Variants in MARCHF1 observed in about 807,000 individuals in gnomAD.
The protein encoded by MARCHF1 is E3 ubiquitin-protein ligase MARCHF1.
A neutral mutation model predicts 54.2 loss-of-function variants in MARCHF1; 40 were observed. The ratio of observed to expected loss-of-function variants is 0.74; its 90% confidence interval spans 0.57 to 0.96. The LOEUF (loss-of-function observed/expected upper bound fraction) is 0.96. MARCHF1 is among the 40% of genes least tolerant of loss of function. The probability of loss-of-function intolerance (pLI) is 0.00; values close to 1 mark genes in which losing one functional copy is unlikely to be tolerated. For synonymous variants in MARCHF1, 236 were observed against 236.3 expected (o/e 1.00, Z 0.01); for missense variants, 586 against 656.5 (o/e 0.89, Z 1.17).
At chr4:164,332,913 T>C (rs1729600039) in intron 1 of MARCHF1, among the ~76,000 whole-genome samples, 2 of 152,086 alleles carry the variant, frequency 1.3e-5, no homozygotes, top group African/African-American at 4.8e-5. Context: ...TGAAAGTATA[T>C]AGTAAAGTAT....
intron 4 of MARCHF1, among the ~76,000 whole-genome samples, chr4:163,758,263 G>C (rs1408209871): frequency 6.6e-6 from 1 of 152,128 alleles, no homozygotes; most frequent in Non-Finnish European, 1.5e-5. Context: ...ATTCCAAAAA[G>C]TTACATTCAG....
intron 1 of MARCHF1, among the ~76,000 whole-genome samples, chr4:164,277,041 G>A (rs1049404176): frequency 2.6e-5 from 4 of 151,604 alleles, no homozygotes; most frequent in Non-Finnish European, 1.5e-5. Flanking sequence ...GGTGTTGAGA[G>A]TCAGGAGAAC....
chr4:163,642,593 A>T (rs1742593503), intron 5 of MARCHF1, among the ~76,000 whole-genome samples: 1 of 152,146 alleles, frequency 6.6e-6, no homozygotes. Flanking sequence ...TAAAGTTCTT[A>T]CCATAATGAC....
At chr4:164,231,475 T>C (rs902814434) in intron 1 of MARCHF1, among the ~76,000 whole-genome samples, 3 of 152,180 alleles carry the variant, frequency 2.0e-5, no homozygotes, top group African/African-American at 7.2e-5. Flanking sequence ...ACAAATCTAG[T>C]GTGTAAATTG....
rs145321357 is a variant in MARCHF1, at chr4:163,977,407, G to C, written c.-39+11094C>G. ...CTCCCTTGTTGACATCAAACAAAGG[G>C]ACAGTGACTGTTTCCTCTTAGCCAT... On this transcript the variant is annotated intron_variant, in intron 3 of 9. Transcript: ENST00000514618. 6.7e-3 allele frequency among the ~76,000 whole-genome samples: 1,021 copies of C among 152,206 alleles called. 6 individuals carry two copies. Among genetic ancestry groups the C allele is most frequent in the Non-Finnish European group, 0.01 (709 of 68,006 alleles).
chr4:163,634,544 T>A (rs1281306246), intron 5 of MARCHF1, among the ~76,000 whole-genome samples: 1 of 151,646 alleles, frequency 6.6e-6, no homozygotes, highest in African/African-American at 2.4e-5. Context: ...CAAGAAGAGC[T>A]AACTATCCTA....
Position 164,196,368 on chromosome 4 carries a change from T to A in MARCHF1, c.-322-84706A>T, listed in dbSNP as rs1055433165. Reference sequence around the variant, plus strand: ...GCAACATGCTATTAAAATAAAATTCTGAGATATTTGAAGCTTATAAATCAT... The same window carrying A: ...GCAACATGCTATTAAAATAAAATTCAGAGATATTTGAAGCTTATAAATCAT... On this transcript the variant is annotated intron_variant, in intron 1 of 9. Coordinates refer to ENST00000514618, the MANE Select transcript of MARCHF1 (RefSeq NM_001394959.1). Among the ~76,000 whole-genome samples the A allele has an allele frequency of 1.1e-4, 17 of 152,182 alleles. No individual in the cohort carries two copies. The East Asian group carries it at 3.3e-3, about 29-fold the overall frequency.
At chr4:163,666,960 C>G (rs762755142) in intron 5 of MARCHF1, among the ~76,000 whole-genome samples, 25 of 151,776 alleles carry the variant, frequency 1.6e-4, no homozygotes, top group Admixed American at 4.6e-4. Flanking sequence ...CTATCTATAC[C>G]CTGCTTTGTT....
chr4:163,660,339 TG>T (rs1284614479), intron 5 of MARCHF1, among the ~76,000 whole-genome samples: 1 of 151,762 alleles, frequency 6.6e-6, no homozygotes, highest in Admixed American at 6.6e-5. Flanking sequence ...CATTCATAAG[TG>T]GGAGTTGAAC....
At chr4:163,786,701 T>C (rs1294298967) in intron 4 of MARCHF1, among the ~76,000 whole-genome samples, 3 of 151,958 alleles carry the variant, frequency 2.0e-5, no homozygotes, top group African/African-American at 7.2e-5. Flanking sequence ...CCGATCAAAA[T>C]CCCAATAATT....
intron 2 of MARCHF1, among the ~76,000 whole-genome samples, chr4:164,057,849 C>A (rs1162559724): frequency 6.6e-6 from 1 of 152,120 alleles, no homozygotes; most frequent in Non-Finnish European, 1.5e-5. Context: ...AAGAGGTAAT[C>A]ATTTTTTCTT....
At chr4:163,631,018 A>G (rs1020612501) in intron 5 of MARCHF1, among the ~76,000 whole-genome samples, 2 of 152,182 alleles carry the variant, frequency 1.3e-5, no homozygotes, top group African/African-American at 4.8e-5. Flanking sequence ...TGGTTTTGAA[A>G]CAGTATGCAC....
At chr4:163,732,487 T>C (rs1745873522) in intron 4 of MARCHF1, among the ~76,000 whole-genome samples, 1 of 152,182 alleles carries the variant, frequency 6.6e-6, no homozygotes, top group African/African-American at 2.4e-5. Flanking sequence ...AATTTGATGA[T>C]AATTATAAAT....
intron 1 of MARCHF1, chr4:164,189,512 A>G: frequency 1.3e-6 from 1 of 760,794 alleles, no homozygotes; most frequent in African/African-American, 1.7e-5. Flanking sequence ...AAGTCCTTCA[A>G]TGGCAAGGAG....
chr4:164,039,710 T>C (rs1754084227), intron 2 of MARCHF1, among the ~76,000 whole-genome samples: 2 of 152,066 alleles, frequency 1.3e-5, no homozygotes, highest in African/African-American at 4.8e-5. Context: ...ATGTCAACTT[T>C]CTATTGTAGT....
intron 9 of MARCHF1, among the ~76,000 whole-genome samples, chr4:163,532,284 A>C (rs1738380182): frequency 6.6e-6 from 1 of 151,898 alleles, no homozygotes; most frequent in African/African-American, 2.4e-5. Flanking sequence ...AGACTGATAC[A>C]AATATAGGAA....
intron 4 of MARCHF1, among the ~76,000 whole-genome samples, chr4:163,799,921 G>A (rs1375658703): frequency 6.6e-6 from 1 of 152,096 alleles, no homozygotes; most frequent in East Asian, 1.9e-4. Context: ...TAGAGAAAAT[G>A]TGATACATAG....
At position 164,243,933 on chromosome 4, in the gene MARCHF1, T is replaced by C. The variant is rs575420803; in HGVS notation, c.-322-132271A>G. Among the ~76,000 whole-genome samples, 7 of 152,100 alleles carry C rather than the reference T, an allele frequency of 4.6e-5. No individual in the cohort carries two copies. The East Asian group carries it at 1.4e-3, about 29-fold the overall frequency. The stretch of plus-strand genomic sequence containing the variant: ...CTATCCTAAATATATATGCACCCAA[T>C]ACAGGAGCACCCAGATTCATAAAGC... On this transcript the variant is annotated intron_variant, in intron 1 of 9. Transcript: ENST00000514618.
At chr4:164,161,545 TCAGCAGCAGCAG>T (rs36007870) in intron 1 of MARCHF1, among the ~76,000 whole-genome samples, 23,734 of 150,798 alleles carry the variant, frequency 0.16, 2,623 homozygotes, top group African/African-American at 0.3. Context: ...ATCATCATCA[TCAGCAGCAGCAG>T]CAGCAGCAGC....
Sources: gnomAD v4.1 joint callset for allele counts (sites outside exome capture counted in the v4.1 genomes callset) on GRCh38, gnomAD v4.1.1 for gene constraint, MANE v1.5 for transcripts, NCBI Gene and HGNC (gene_info 2026-07-23, HGNC 2026-07-21) for gene names.